The following PTPRR variants were observed in gnomAD, a reference collection of about 807,000 sequenced individuals.
PTPRR encodes the protein receptor-type tyrosine-protein phosphatase R.
Under a neutral mutation model 77.2 loss-of-function variants are expected in PTPRR, and 38 were observed. The observed-to-expected ratio is 0.49, with a 90% CI of 0.38 to 0.65. The LOEUF is 0.65. Among genes scored for constraint, PTPRR ranks in the 30% least tolerant of loss-of-function variants. The pLI is 0.00. For missense variants in PTPRR, 744 were observed against 799.2 expected (o/e 0.93, Z 0.83); for synonymous variants, 299 against 283.1 (o/e 1.06, Z -0.57).
At chr12:70,801,089 G>A (rs879257737) in intron 2 of PTPRR, among the ~76,000 whole-genome samples, 2 of 152,084 alleles carry the variant, frequency 1.3e-5, no homozygotes, top group Non-Finnish European at 2.9e-5. Flanking sequence ...GTTAAATAGA[G>A]TAAAAAGATC....
intron 2 of PTPRR, chr12:70,789,039 A>G (rs1891379228): frequency 3.9e-6 from 2 of 506,530 alleles, no homozygotes. Context: ...CCCAAGAGAT[A>G]TCCCAGGTGC....
chr12:70,714,284 T>C (rs1888938656), intron 6 of PTPRR, among the ~76,000 whole-genome samples: 1 of 152,088 alleles, frequency 6.6e-6, no homozygotes, highest in Admixed American at 6.6e-5. Context: ...AATACATACT[T>C]ATACTAAAGT....
chr12:70,800,333 C>T (rs982774906), intron 2 of PTPRR, among the ~76,000 whole-genome samples: 6 of 149,740 alleles, frequency 4.0e-5, no homozygotes, highest in East Asian at 2.0e-4. Flanking sequence ...TTACAAAATG[C>T]GATATGGTAT....
At chr12:70,812,195 T>G (rs1308957175) in intron 2 of PTPRR, among the ~76,000 whole-genome samples, 1 of 152,164 alleles carries the variant, frequency 6.6e-6, no homozygotes, top group Non-Finnish European at 1.5e-5. Flanking sequence ...ATTAGAAAAG[T>G]GAGTCCTCGG....
intron 2 of PTPRR, among the ~76,000 whole-genome samples, chr12:70,834,492 G>A (rs1892268830): frequency 6.6e-6 from 1 of 152,164 alleles, no homozygotes; most frequent in African/African-American, 2.4e-5. Flanking sequence ...AATGAGTTTG[G>A]TGTTGGCATC....
Position 70,682,617 on chromosome 12 carries a change from G to A in PTPRR, c.1497+1510C>T, listed in dbSNP as rs1013677582. ...AGTGAGAGGTTTTTCAGGTTATCTAGTCTGCTGTATTACATAAGTTCTATG... is the reference window on the plus strand; with the variant it reads ...AGTGAGAGGTTTTTCAGGTTATCTAATCTGCTGTATTACATAAGTTCTATG... On this transcript the variant is annotated intron_variant, in intron 10 of 13. Transcript: ENST00000283228. Among the ~76,000 whole-genome samples, 6 of 151,832 alleles carry A rather than the reference G, an allele frequency of 4.0e-5. No homozygotes were observed. In the South Asian group the frequency reaches 1.2e-3, roughly 32 times the overall value.
chr12:70,894,662 T>C lies in PTPRR; in HGVS notation c.59-1685A>G, dbSNP rs1287191053. ...AGAAAGTTCATATACATCTAAAACA[T>C]TTTGGCACCATTTTCCATTGATAAA... On this transcript the variant is annotated intron_variant, in intron 1 of 13. Transcript: ENST00000283228. Among the ~76,000 whole-genome samples the C allele has an allele frequency of 2.0e-5, 3 of 151,708 alleles. No homozygotes were observed. The East Asian group carries it at 5.8e-4, about 29-fold the overall frequency.
At chr12:70,768,428 T>C (rs1890882782) in intron 2 of PTPRR, among the ~76,000 whole-genome samples, 1 of 152,150 alleles carries the variant, frequency 6.6e-6, no homozygotes, top group Non-Finnish European at 1.5e-5. Context: ...ATAAATTCCT[T>C]GACACATGCA....
intron 10 of PTPRR, among the ~76,000 whole-genome samples, chr12:70,669,490 G>A (rs997496701): frequency 7.8e-5 from 11 of 140,634 alleles, no homozygotes; most frequent in East Asian, 6.4e-4. Flanking sequence ...GTGTGTGTGT[G>A]TATATATATA....
At chr12:70,854,405 C>T (rs1592794365) in intron 2 of PTPRR, among the ~76,000 whole-genome samples, 1 of 152,180 alleles carries the variant, frequency 6.6e-6, no homozygotes, top group African/African-American at 2.4e-5. Flanking sequence ...CACTCTATGC[C>T]ATGTGCCCTT....
chr12:70,836,785 T>C (rs1247809887), intron 2 of PTPRR, among the ~76,000 whole-genome samples: 2 of 151,970 alleles, frequency 1.3e-5, no homozygotes, highest in East Asian at 3.9e-4. Context: ...CAGGGAAGCT[T>C]TTCTTAACCT....
chr12:70,680,705 T>G (rs1182668327), intron 10 of PTPRR, among the ~76,000 whole-genome samples: 1 of 152,034 alleles, frequency 6.6e-6, no homozygotes, highest in Admixed American at 6.5e-5. Flanking sequence ...CTGGGGGCAG[T>G]GTACTTGGCT....
At chr12:70,871,016 C>T (rs1892949474) in intron 2 of PTPRR, among the ~76,000 whole-genome samples, 1 of 152,106 alleles carries the variant, frequency 6.6e-6, no homozygotes, top group South Asian at 2.1e-4. Flanking sequence ...ACTTTGAAAT[C>T]CAAAACCAGC....
chr12:70,828,275 T>A (rs907751), intron 2 of PTPRR, among the ~76,000 whole-genome samples: 1 of 152,080 alleles, frequency 6.6e-6, no homozygotes, highest in Non-Finnish European at 1.5e-5. Context: ...TTTCTTGCCC[T>A]TTGATCTGCT....
chr12:70,681,574 A>G (rs1195857218), intron 10 of PTPRR, among the ~76,000 whole-genome samples: 1 of 152,112 alleles, frequency 6.6e-6, no homozygotes, highest in African/African-American at 2.4e-5. Flanking sequence ...TCTCTTCTCT[A>G]TGTGACCCTC....
chr12:70,659,425 G>A (rs1886713007), intron 12 of PTPRR, among the ~76,000 whole-genome samples: 1 of 152,162 alleles, frequency 6.6e-6, no homozygotes, highest in Non-Finnish European at 1.5e-5. Flanking sequence ...TCTAGTGACT[G>A]ATTAGATACT....
intron 13 of PTPRR, among the ~76,000 whole-genome samples, chr12:70,644,725 G>GC: frequency 6.6e-6 from 1 of 152,274 alleles, no homozygotes. Flanking sequence ...TGGTTAGGAG[G>GC]CTCTGGAGTG....
Position 70,639,167 on chromosome 12 carries a change from G to C in PTPRR, c.*17C>G. The C allele has an allele frequency of 6.2e-7, 1 of 1,604,882 alleles. No individual in the cohort carries two copies. Among genetic ancestry groups the C allele is most frequent in the Non-Finnish European group, 8.5e-7 (1 of 1,173,920 alleles). ...AATCACCCCAAGAGATTGATGGTCT[G>C]ACAAGTCTTCAATGACTCACTGGAC... On this transcript the variant is annotated 3_prime_UTR_variant, in exon 14 of 14. Transcript: ENST00000283228.
intron 2 of PTPRR, among the ~76,000 whole-genome samples, chr12:70,864,081 C>T (rs751452461): frequency 2.0e-5 from 3 of 152,136 alleles, no homozygotes; most frequent in Non-Finnish European, 2.9e-5. Flanking sequence ...CCAAGACTCA[C>T]GTATATTGTA....
Sources: gnomAD v4.1 joint callset for allele counts (sites outside exome capture counted in the v4.1 genomes callset) on GRCh38, gnomAD v4.1.1 for gene constraint, MANE v1.5 for transcripts, NCBI Gene and HGNC (gene_info 2026-07-23, HGNC 2026-07-21) for gene names.